The following ACTL8 variants were observed in gnomAD, a reference collection of about 807,000 sequenced individuals.
The protein encoded by ACTL8 is actin-like protein 8.
In ACTL8, 3 loss-of-function variants were observed where a neutral mutation model predicts 9.3. The ratio of observed to expected loss-of-function variants is 0.32; its 90% CI spans 0.15 to 0.83. The LOEUF is 0.83. Among genes scored for constraint, ACTL8 ranks in the 40% least tolerant of loss-of-function variants. The probability of loss-of-function intolerance (pLI) is 0.57; values close to 1 mark genes in which losing one functional copy is unlikely to be tolerated. For missense variants in ACTL8, 381 were observed against 492.2 expected (o/e 0.77, Z 2.14); for synonymous variants, 224 against 205.9 (o/e 1.09, Z -0.75).
chr1:17,815,119 G>A (rs935568203), intron 1 of ACTL8, among the ~76,000 whole-genome samples: 4 of 152,314 alleles, frequency 2.6e-5, no homozygotes, highest in Non-Finnish European at 4.4e-5. Flanking sequence ...GTACCAGTTC[G>A]TAGCTTAGGA....
chr1:17,776,673 C>T (rs2066120091), intron 1 of ACTL8, among the ~76,000 whole-genome samples: 1 of 152,204 alleles, frequency 6.6e-6, no homozygotes, highest in African/African-American at 2.4e-5. Context: ...GGCAGTGTCA[C>T]ATACGTTCCT....
rs529005918 is a variant in ACTL8 at position 17,765,342 on chromosome 1, C to T, written c.-25+9838C>T. On this transcript the variant is annotated intron_variant, in intron 1 of 2. Transcript: ENST00000375406. ...GGTGTCCTGGTGCCTAGGAGAGTGC[C>T]TGGCATGGAGGCCGCACTGTCCCCC... Among the ~76,000 whole-genome samples, 20 of 152,312 alleles carry T rather than the reference C, an allele frequency of 1.3e-4. No homozygotes were observed. The East Asian group carries it at 2.1e-3, about 16-fold the overall frequency.
chr1:17,786,994 G>A (rs1032402764), intron 1 of ACTL8, among the ~76,000 whole-genome samples: 1 of 151,880 alleles, frequency 6.6e-6, no homozygotes, highest in South Asian at 2.1e-4. Flanking sequence ...GAGCCATCAC[G>A]CCTGGCCCTG....
At chr1:17,790,246 G>A (rs1042517864) in intron 1 of ACTL8, among the ~76,000 whole-genome samples, 2 of 152,228 alleles carry the variant, frequency 1.3e-5, no homozygotes, top group Non-Finnish European at 2.9e-5. Context: ...CTGGCATGGG[G>A]AGCTCCCAGG....
intron 1 of ACTL8, among the ~76,000 whole-genome samples, chr1:17,761,115 C>T (rs1487065447): frequency 6.7e-6 from 1 of 148,788 alleles, no homozygotes; most frequent in African/African-American, 2.5e-5. Flanking sequence ...AACTCGGGGA[C>T]AGGGGTCATT....
chr1:17,775,244 G>A (rs563823360), intron 1 of ACTL8, among the ~76,000 whole-genome samples: 4 of 152,302 alleles, frequency 2.6e-5, no homozygotes, highest in Non-Finnish European at 2.9e-5. Context: ...CAGCCAGTAC[G>A]TTTGGAGCCC....
At chr1:17,783,710 G>A (rs1237310440) in intron 1 of ACTL8, among the ~76,000 whole-genome samples, 1 of 152,224 alleles carries the variant, frequency 6.6e-6, no homozygotes, top group Non-Finnish European at 1.5e-5. Context: ...CTGCAGACAA[G>A]CTGCTCCTAT....
At chr1:17,821,390 T>A (rs1026253126) in intron 1 of ACTL8, among the ~76,000 whole-genome samples, 2 of 152,238 alleles carry the variant, frequency 1.3e-5, no homozygotes, top group African/African-American at 4.8e-5. Flanking sequence ...GTCTTATGGT[T>A]TCAGGTTTTA....
intron 1 of ACTL8, among the ~76,000 whole-genome samples, chr1:17,814,517 T>C (rs1014197020): frequency 6.6e-6 from 1 of 152,074 alleles, no homozygotes; most frequent in Admixed American, 6.6e-5. Flanking sequence ...GTTTGTAGCA[T>C]AGCAAGACTC....
At chr1:17,790,846 A>G (rs905341539) in intron 1 of ACTL8, among the ~76,000 whole-genome samples, 1 of 152,216 alleles carries the variant, frequency 6.6e-6, no homozygotes, top group African/African-American at 2.4e-5. Context: ...TCAGCATCCA[A>G]AATTCAGAGG....
rs201354656 is a variant in ACTL8, at chr1:17,825,929, A to C, written c.511A>C (p.Lys171Gln). Residue 171 changes from lysine to glutamine, a missense_variant, in exon 3 of 3, where the codon AAG becomes CAG. Around this residue, in one of 3 missense-constraint regions of ACTL8, gnomAD observed 243 missense variants for 276.2 expected, o/e 0.88. Transcript: ENST00000375406. Reference sequence around the variant, plus strand: ...GGGCCGCCCCTTGCCCGCCAGCGGCAAGACGCTGGAGTTCGCCGGCCAGGA... The same window carrying C: ...GGGCCGCCCCTTGCCCGCCAGCGGCCAGACGCTGGAGTTCGCCGGCCAGGA... ...HQGRPLPASG[K>Q]TLEFAGQDLS... 1 of 1,612,296 alleles carries C rather than the reference A, an allele frequency of 6.2e-7. No individual in the cohort carries two copies. Among genetic ancestry groups the C allele is most frequent in the Non-Finnish European group, 8.5e-7 (1 of 1,180,012 alleles).
intron 1 of ACTL8, among the ~76,000 whole-genome samples, chr1:17,777,881 A>G (rs2066128386): frequency 6.6e-6 from 1 of 152,198 alleles, no homozygotes; most frequent in South Asian, 2.1e-4. Context: ...TGTTTTTAGT[A>G]GAAATGAGGT....
At chr1:17,796,279 G>A (rs560845970) in intron 1 of ACTL8, among the ~76,000 whole-genome samples, 1 of 151,098 alleles carries the variant, frequency 6.6e-6, no homozygotes, top group South Asian at 2.1e-4. Flanking sequence ...GATGGAGGGA[G>A]GAGGATGGCT....
intron 1 of ACTL8, among the ~76,000 whole-genome samples, chr1:17,768,253 C>T (rs1296208355): frequency 1.1e-5 from 1 of 90,928 alleles, no homozygotes; most frequent in African/African-American, 3.0e-5. Flanking sequence ...TGGGTGGCTC[C>T]AGCCAGCTTG....
At chr1:17,775,983 C>T (rs1275887050) in intron 1 of ACTL8, among the ~76,000 whole-genome samples, 2 of 152,174 alleles carry the variant, frequency 1.3e-5, no homozygotes, top group Non-Finnish European at 2.9e-5. Flanking sequence ...GGCCTCAGAC[C>T]AGATCTGTCA....
chr1:17,803,318 A>G (rs2066337164), intron 1 of ACTL8, among the ~76,000 whole-genome samples: 1 of 152,114 alleles, frequency 6.6e-6, no homozygotes, highest in Non-Finnish European at 1.5e-5. Context: ...CGGAAATGTG[A>G]GTCAATTAAA....
At chr1:17,802,440 T>C (rs2066328366) in intron 1 of ACTL8, among the ~76,000 whole-genome samples, 1 of 151,806 alleles carries the variant, frequency 6.6e-6, no homozygotes, top group Admixed American at 6.6e-5. Context: ...TGTGTGTGTG[T>C]GTGTGTGTGT....
intron 1 of ACTL8, among the ~76,000 whole-genome samples, chr1:17,806,769 C>T (rs1371698837): frequency 2.0e-5 from 3 of 152,232 alleles, no homozygotes; most frequent in South Asian, 2.1e-4. Context: ...CGACCTGCTG[C>T]GCTTTGAGCA....
rs991492479 is a variant in ACTL8 at position 17,779,997 on chromosome 1, A to G, written c.-25+24493A>G. Among the ~76,000 whole-genome samples, 58 of 152,136 alleles carry G rather than the reference A, an allele frequency of 3.8e-4. 2 individuals carry two copies. Among genetic ancestry groups the G allele is most frequent in the Admixed American group, 1.3e-4 (2 of 15,274 alleles). ...TGAGGCGGGAGGATTGCTTGAGTCC[A>G]GGAGTTTGAGACCAGCCTGGGCAAC... On this transcript the variant is annotated intron_variant, in intron 1 of 2. Coordinates refer to ENST00000375406, the MANE Select transcript of ACTL8 (RefSeq NM_030812.3).
Sources: gnomAD v4.1 joint callset for allele counts (sites outside exome capture counted in the v4.1 genomes callset) on GRCh38, gnomAD v4.1.1 for gene constraint, gnomAD v4.1.1 regional missense constraint, MANE v1.5 for transcripts, NCBI Gene and HGNC (gene_info 2026-07-23, HGNC 2026-07-21) for gene names.